The following ADGRL2 variants were observed in gnomAD, a reference collection of about 807,000 sequenced individuals.
ADGRL2 encodes calcium-independent alpha-latrotoxin receptor 2.
ADGRL2 carries 44 observed loss-of-function variants against 157.4 expected under a neutral mutation model. The observed-to-expected ratio is 0.28, with a 90% CI of 0.22 to 0.36. The LOEUF is 0.36. ADGRL2 is among the 10% of genes least tolerant of loss of function. The pLI, the probability that ADGRL2 is intolerant of heterozygous loss-of-function variation, is 1.00. For synonymous variants in ADGRL2, 585 were observed against 624.7 expected (o/e 0.94, Z 0.95); for missense variants, 1,510 against 1,768.9 (o/e 0.85, Z 2.63).
intron 3 of ADGRL2, among the ~76,000 whole-genome samples, chr1:81,680,347 G>A (rs1570813821): frequency 1.3e-5 from 2 of 152,206 alleles, no homozygotes; most frequent in East Asian, 3.8e-4. Flanking sequence ...GCAGGTCTGG[G>A]TAGTAAACAA....
chr1:81,534,074 G>A (rs17106650), intron 2 of ADGRL2, among the ~76,000 whole-genome samples: 14,713 of 152,074 alleles, frequency 0.097, 841 homozygotes, highest in Non-Finnish European at 0.12. Flanking sequence ...TAAAATGTGG[G>A]TGTCATCTAA....
chr1:81,969,029 T>G, intron 14 of ADGRL2, 149 bp from the exon 15 acceptor site: 2 of 612,338 alleles, frequency 3.3e-6, no homozygotes, highest in Admixed American at 3.1e-5. Flanking sequence ...CAAAATTTAT[T>G]TTTGGTATTG....
chr1:81,439,033 T>G (rs1487921377), intron 1 of ADGRL2, among the ~76,000 whole-genome samples: 2 of 152,162 alleles, frequency 1.3e-5, no homozygotes, highest in Admixed American at 1.3e-4. Flanking sequence ...AGAAACTCCC[T>G]TTACCTGCCG....
intron 2 of ADGRL2, among the ~76,000 whole-genome samples, chr1:81,497,728 T>C (rs988880874): frequency 2.6e-5 from 4 of 152,208 alleles, no homozygotes; most frequent in Admixed American, 6.5e-5. Flanking sequence ...AGAAATGAAA[T>C]GATGCGAAGT....
At chr1:81,764,322 A>T (rs1475845680) in intron 2 of ADGRL2, among the ~76,000 whole-genome samples, 4 of 152,052 alleles carry the variant, frequency 2.6e-5, no homozygotes, top group Admixed American at 2.0e-4. Flanking sequence ...AATATTTTTG[A>T]TATTAAAAAT....
At chr1:81,469,383 C>T (rs920186507) in intron 2 of ADGRL2, among the ~76,000 whole-genome samples, 4 of 152,156 alleles carry the variant, frequency 2.6e-5, no homozygotes, top group Admixed American at 6.6e-5. Context: ...TTCTGAGAAG[C>T]GTCACATCAA....
intron 1 of ADGRL2, among the ~76,000 whole-genome samples, chr1:81,342,330 G>A (rs1018654896): frequency 6.6e-6 from 1 of 152,108 alleles, no homozygotes; most frequent in Non-Finnish European, 1.5e-5. Context: ...GAGTTACAGT[G>A]GAATTAATCA....
chr1:81,903,973 G>T (rs2094539940), intron 2 of ADGRL2, among the ~76,000 whole-genome samples: 1 of 151,350 alleles, frequency 6.6e-6, no homozygotes, highest in Non-Finnish European at 1.5e-5. Flanking sequence ...TTTTGGTGGG[G>T]GAGATGGCAT....
At chr1:81,394,726 C>T (rs892482545) in intron 1 of ADGRL2, among the ~76,000 whole-genome samples, 20 of 152,018 alleles carry the variant, frequency 1.3e-4, no homozygotes, top group Non-Finnish European at 1.5e-5. Flanking sequence ...GATATATACT[C>T]AGTAGTTGGA....
chr1:81,839,912 A>G (rs1428312825), intron 2 of ADGRL2, among the ~76,000 whole-genome samples: 1 of 134,490 alleles, frequency 7.4e-6, no homozygotes, highest in Non-Finnish European at 1.6e-5. Context: ...TATATTTTCC[A>G]TCATATATAT....
chr1:81,792,223 A>T (rs1187741486), intron 2 of ADGRL2, among the ~76,000 whole-genome samples: 3 of 152,178 alleles, frequency 2.0e-5, no homozygotes, highest in Non-Finnish European at 4.4e-5. Flanking sequence ...TTAAAAATGA[A>T]TATAGAAAAT....
chr1:81,500,900 A>G (rs556860921), intron 2 of ADGRL2, among the ~76,000 whole-genome samples: 3 of 152,292 alleles, frequency 2.0e-5, no homozygotes, highest in Admixed American at 2.0e-4. Context: ...CTCCAAAGAA[A>G]CTCTTTGATA....
At chr1:81,317,743 A>G (rs1206133428) in intron 1 of ADGRL2, among the ~76,000 whole-genome samples, 4 of 152,210 alleles carry the variant, frequency 2.6e-5, no homozygotes, top group African/African-American at 4.8e-5. Flanking sequence ...ATTTTTTGAA[A>G]CAATCATTTG....
intron 3 of ADGRL2, among the ~76,000 whole-genome samples, chr1:81,591,343 G>A (rs1321777234): frequency 6.6e-6 from 1 of 152,090 alleles, no homozygotes; most frequent in African/African-American, 2.4e-5. Flanking sequence ...TTTTGCACAG[G>A]AAGCTTGCTT....
intron 1 of ADGRL2, among the ~76,000 whole-genome samples, chr1:81,416,641 T>A (rs1454211797): frequency 6.6e-6 from 1 of 152,232 alleles, no homozygotes; most frequent in Non-Finnish European, 1.5e-5. Flanking sequence ...CATTTATTCA[T>A]TCATCTAACA....
chr1:81,337,448 C>G (rs905588140), intron 1 of ADGRL2, among the ~76,000 whole-genome samples: 2 of 152,164 alleles, frequency 1.3e-5, no homozygotes, highest in African/African-American at 2.4e-5. Context: ...TGCTCCCTGT[C>G]CCATGAAGGA....
chr1:81,387,017 G>A (rs1281503885), intron 1 of ADGRL2, among the ~76,000 whole-genome samples: 1 of 152,030 alleles, frequency 6.6e-6, no homozygotes, highest in Non-Finnish European at 1.5e-5. Flanking sequence ...GACAATCATG[G>A]CCTTTTAAAA....
chr1:81,562,443 A>T (rs764301489), intron 2 of ADGRL2, among the ~76,000 whole-genome samples: 4 of 152,134 alleles, frequency 2.6e-5, no homozygotes, highest in Non-Finnish European at 5.9e-5. Context: ...TATCAAATGA[A>T]GATTGAGACA....
rs374384174 is a variant in ADGRL2 at position 81,815,487 on chromosome 1, A to G, written c.-101+14419A>G. 3.3e-5 allele frequency among the ~76,000 whole-genome samples: 5 copies of G among 151,976 alleles called. No individual in the cohort carries two copies. The East Asian group carries it at 7.7e-4, about 23-fold the overall frequency. ...CATCTCGTTGCTCTGTAGGATTCAG[A>G]TAACAGCTACAACACAGTAAGGTAT... On this transcript the variant is annotated intron_variant, in intron 1 of 23. Coordinates refer to ENST00000686636, the MANE Select transcript of ADGRL2 (RefSeq NM_001366006.2).
Sources: allele counts gnomAD v4.1 joint callset (sites outside exome capture counted in the v4.1 genomes callset), GRCh38; gene constraint gnomAD v4.1.1; transcripts MANE v1.5; gene names NCBI Gene and HGNC (gene_info 2026-07-23, HGNC 2026-07-21).